The following LNX1 variants were observed in gnomAD, a reference collection of about 807,000 sequenced individuals.
LNX1 encodes ligand of numb-protein X 1.
LNX1 carries 54 observed loss-of-function variants against 68.4 expected under a neutral mutation model. That is an observed-to-expected ratio of 0.79 (90% CI 0.63 to 0.99). The LOEUF is 0.99. Among genes scored for constraint, LNX1 ranks in the 50% least tolerant of loss-of-function variants. The pLI is 0.00. For synonymous variants in LNX1, 336 were observed against 350.0 expected, an observed-to-expected ratio of 0.96 and a Z score of 0.45; for missense variants, 906 against 926.4, an observed-to-expected ratio of 0.98 and a Z score of 0.29.
intron 2 of LNX1, among the ~76,000 whole-genome samples, chr4:53,602,600 G>T (rs1333120893): frequency 2.0e-5 from 3 of 152,168 alleles, no homozygotes; most frequent in Non-Finnish European, 2.9e-5. Context: ...GGTCTGTGAG[G>T]GCACTTGAAT....
chr4:53,460,767 T>G lies in LNX1; in HGVS notation c.*140A>C. On this transcript the variant is annotated 3_prime_UTR_variant, in exon 11 of 11. Transcript: ENST00000263925. ...CATATTTTCTGAGGTGTAACTGGCT[T>G]TCATTAGATGATCATACTTTTCCTG... The G allele has an allele frequency of 1.3e-5, 11 of 870,980 alleles. No individual in the cohort carries two copies. The highest frequency in any genetic ancestry group is 1.6e-5 in the Non-Finnish European group (9 of 577,500). 54.0% of individuals were successfully genotyped at this position (870,980 alleles called of 1,614,324 possible).
rs1730046779 is a variant in LNX1 at position 53,558,085 on chromosome 4, T to C, written c.380+15538A>G. 3 of 1,503,368 alleles carry C rather than the reference T, an allele frequency of 2.0e-6. No homozygotes were observed. The South Asian group carries it at 3.9e-5, about 19-fold the overall frequency. 93.1% of individuals were successfully genotyped at this position (1,503,368 alleles called of 1,614,324 possible). A position where few individuals can be genotyped will look rare whatever the true frequency, so the allele number is the denominator to read the frequency against. On this transcript the variant is annotated intron_variant, in intron 2 of 10. Transcript: ENST00000263925. Reference sequence around the variant, plus strand: ...CCCACAATCAGTAGATCACAAAGAATTTGACTGAGAACCTTCAGATTAAGC... The same window carrying C: ...CCCACAATCAGTAGATCACAAAGAACTTGACTGAGAACCTTCAGATTAAGC...
At chr4:53,590,165 A>C (rs1200682082) in intron 1 of LNX1, among the ~76,000 whole-genome samples, 1 of 152,200 alleles carries the variant, frequency 6.6e-6, no homozygotes, top group African/African-American at 2.4e-5. Flanking sequence ...AGTAAGACAG[A>C]AATTAGCAAC....
chr4:53,485,125 T>C (rs1226870680), intron 6 of LNX1, among the ~76,000 whole-genome samples: 1 of 152,232 alleles, frequency 6.6e-6, no homozygotes. Context: ...GTGTCTTTCT[T>C]TGTACTATAA....
intron 2 of LNX1, among the ~76,000 whole-genome samples, chr4:53,512,233 G>GCAAAAA (rs56762579): frequency 0.96 from 146,010 of 152,126 alleles, 70,361 homozygotes; most frequent in East Asian, 1. Context: ...AAATTTGGAA[G>GCAAAAA]TTTTTCAATG....
intron 2 of LNX1, among the ~76,000 whole-genome samples, chr4:53,606,850 A>G (rs1190812282): frequency 6.6e-6 from 1 of 152,210 alleles, no homozygotes; most frequent in East Asian, 1.9e-4. Flanking sequence ...AACTAAAGAC[A>G]AAAACCCACA....
chr4:53,618,083 G>A (rs371835646), upstream of LNX1, among the ~76,000 whole-genome samples: 4 of 152,206 alleles, frequency 2.6e-5, no homozygotes, highest in East Asian at 7.7e-4. Context: ...TTTTAAAAGT[G>A]AACAACTTAG....
At chr4:53,512,539 C>G (rs1480509220) in intron 2 of LNX1, among the ~76,000 whole-genome samples, 1 of 146,910 alleles carries the variant, frequency 6.8e-6, no homozygotes, top group African/African-American at 2.6e-5. Context: ...GGAGATGACC[C>G]CTAAAGAGGG....
chr4:53,555,341 T>C (rs962195177), intron 2 of LNX1, among the ~76,000 whole-genome samples: 1 of 151,990 alleles, frequency 6.6e-6, no homozygotes, highest in African/African-American at 2.4e-5. Flanking sequence ...CTGAAATACT[T>C]CCTCTTTCTA....
At chr4:53,505,900 A>T (rs1485334032) in intron 4 of LNX1, among the ~76,000 whole-genome samples, 2 of 152,214 alleles carry the variant, frequency 1.3e-5, no homozygotes, top group Non-Finnish European at 2.9e-5. Context: ...CGCAGGCTGG[A>T]TAATGGAAGG....
intron 1 of LNX1, among the ~76,000 whole-genome samples, chr4:53,584,469 A>T (rs1732038379): frequency 6.6e-6 from 1 of 152,230 alleles, no homozygotes; most frequent in Non-Finnish European, 1.5e-5. Flanking sequence ...GCCATGGACA[A>T]GCTTTGGAGG....
upstream of LNX1, among the ~76,000 whole-genome samples, chr4:53,621,027 C>T (rs1398956750): frequency 6.6e-6 from 1 of 152,176 alleles, no homozygotes; most frequent in Non-Finnish European, 1.5e-5. Context: ...ATTTTATTAA[C>T]TGGCTTTTGC....
chr4:53,470,955 A>G lies in LNX1; in HGVS notation c.1892+5798T>C, dbSNP rs192989908. On this transcript the variant is annotated intron_variant, in intron 9 of 10. Coordinates refer to ENST00000263925, the MANE Select transcript of LNX1 (RefSeq NM_001126328.3). Reference sequence around the variant, plus strand: ...GATTCAGTGCCATCCCCATCGAGCTACCAATGACTTTCTTCACAGAATTGG... The same window carrying G: ...GATTCAGTGCCATCCCCATCGAGCTGCCAATGACTTTCTTCACAGAATTGG... 7.6e-3 allele frequency among the ~76,000 whole-genome samples: 1,153 copies of G among 151,322 alleles called. 15 individuals are homozygous for G. Among genetic ancestry groups the G allele is most frequent in the African/African-American group, 0.027 (1,091 of 40,950 alleles).
At chr4:53,574,970 A>G (rs2109783195) in intron 1 of LNX1, among the ~76,000 whole-genome samples, 1 of 144,846 alleles carries the variant, frequency 6.9e-6, no homozygotes, top group South Asian at 2.2e-4. Context: ...CTTTTATTCC[A>G]TTAGATATTT....
At chr4:53,463,988 C>T (rs1722436518) in intron 9 of LNX1, among the ~76,000 whole-genome samples, 2 of 151,974 alleles carry the variant, frequency 1.3e-5, no homozygotes, top group African/African-American at 4.8e-5. Context: ...CAGCCAAAGC[C>T]AGTTGTGAGA....
rs1388788133 is a variant in LNX1, at chr4:53,464,547, T to A, written c.1893-2954A>T. Among the ~76,000 whole-genome samples, 5 of 99,326 alleles carry A rather than the reference T, an allele frequency of 5.0e-5. No individual in the cohort carries two copies. In the East Asian group the frequency reaches 1.4e-3, roughly 27 times the overall value. The allele number at this position is 99,326 out of a possible 152,430, so 65.2% of individuals were successfully genotyped here. ...GTGTTATAAACTCATAATTCTGTGT[T>A]CAACTTTTTTTTAAAGTTATGAGAG... On this transcript the variant is annotated intron_variant, in intron 9 of 10. Transcript: ENST00000263925.
Position 53,478,691 on chromosome 4 carries a change from C to A in LNX1, c.1537G>T (p.Asp513Tyr), listed in dbSNP as rs149762084. The change falls in exon 8 of 11, where the codon GAC becomes TAC. Residue 513 changes from aspartate to tyrosine, a missense_variant. Asp to Tyr is a radical substitution (Grantham distance 160). Transcript: ENST00000263925. Reference protein sequence around the residue: ...CHEKVVNIQKDPGESLGMTVA... With the variant: ...CHEKVVNIQKYPGESLGMTVA... The stretch of plus-strand genomic sequence containing the variant: ...GTCATGCCGAGAGATTCACCGGGGT[C>A]TTTTTGGATATTTACCACCTTCTCA... 1 of 1,614,030 alleles carries A rather than the reference C, an allele frequency of 6.2e-7. No individual in the cohort carries two copies. The highest frequency in any genetic ancestry group is 8.5e-7 in the Non-Finnish European group (1 of 1,179,988).
intron 1 of LNX1, among the ~76,000 whole-genome samples, chr4:53,624,530 C>G (rs1173405878): frequency 1.3e-5 from 2 of 152,142 alleles, no homozygotes; most frequent in East Asian, 3.9e-4. Flanking sequence ...ATAAATTACC[C>G]AGTCTCAGGT....
chr4:53,534,423 G>T (rs1447511064), intron 2 of LNX1, among the ~76,000 whole-genome samples: 1 of 152,110 alleles, frequency 6.6e-6, no homozygotes, highest in Non-Finnish European at 1.5e-5. Flanking sequence ...AGGGTCTCGA[G>T]CCTAGGAGAT....
Sources: gnomAD v4.1 joint callset for allele counts (sites outside exome capture counted in the v4.1 genomes callset) on GRCh38, gnomAD v4.1.1 for gene constraint, MANE v1.5 for transcripts, NCBI Gene and HGNC (gene_info 2026-07-23, HGNC 2026-07-21) for gene names.